FAF1: variants seen among roughly 807,000 people sequenced by gnomAD.
The protein encoded by FAF1 is FAS-associated factor 1.
Under a neutral mutation model 92.5 loss-of-function variants are expected in FAF1, and 25 were observed. The ratio of observed to expected loss-of-function variants is 0.27; its 90% CI spans 0.20 to 0.38. The LOEUF is 0.38. FAF1 is among the 10% of genes least tolerant of loss of function. The pLI is 1.00. For synonymous variants in FAF1, 234 were observed against 273.2 expected (o/e 0.86, Z 1.42); for missense variants, 636 against 793.3 (o/e 0.80, Z 2.38).
At chr1:50,847,961 A>T (rs1009716037) in intron 2 of FAF1, among the ~76,000 whole-genome samples, 11 of 152,108 alleles carry the variant, frequency 7.2e-5, no homozygotes, top group African/African-American at 2.2e-4. Context: ...GAAACATCTT[A>T]AAAAAGGCTG....
intron 12 of FAF1, among the ~76,000 whole-genome samples, chr1:50,572,006 A>T (rs1353559208): frequency 6.6e-6 from 1 of 152,276 alleles, no homozygotes; most frequent in East Asian, 1.9e-4. Flanking sequence ...CAGTGTTAAA[A>T]CTATAGTATA....
chr1:50,716,566 A>G (rs1658184341), intron 6 of FAF1, among the ~76,000 whole-genome samples: 1 of 152,184 alleles, frequency 6.6e-6, no homozygotes, highest in Admixed American at 6.5e-5. Flanking sequence ...AAATACACCA[A>G]TCAGCTCTCT....
At chr1:50,776,241 G>A (rs1660955603) in intron 4 of FAF1, among the ~76,000 whole-genome samples, 1 of 152,154 alleles carries the variant, frequency 6.6e-6, no homozygotes, top group Non-Finnish European at 1.5e-5. Context: ...GAACAGCCAA[G>A]CTGTCATTCG....
At chr1:50,931,888 AAAT>A (rs201964842) in intron 1 of FAF1, among the ~76,000 whole-genome samples, 4,078 of 129,368 alleles carry the variant, frequency 0.032, 129 homozygotes, top group African/African-American at 0.079. Flanking sequence ...ATAAATAAAT[AAAT>A]AATAATAATA....
At chr1:50,596,052 A>G (rs1018150519) in intron 9 of FAF1, 69 bp downstream of exon 9, 53 of 994,606 alleles carry the variant, frequency 5.3e-5, no homozygotes, top group Admixed American at 4.0e-4. Flanking sequence ...CAGATAAAAA[A>G]AAAGGGAAGT....
intron 18 of FAF1, 22 bp from the exon 19 acceptor site, chr1:50,441,545 A>G (rs1337793910): frequency 7.0e-7 from 1 of 1,421,298 alleles, no homozygotes; most frequent in East Asian, 2.5e-5. Context: ...AAGAACACAT[A>G]TTCAAAAGAC....
intron 18 of FAF1, among the ~76,000 whole-genome samples, chr1:50,475,159 T>C (rs1420476963): frequency 1.3e-5 from 2 of 152,240 alleles, no homozygotes; most frequent in African/African-American, 2.4e-5. Flanking sequence ...GCTACAGATA[T>C]ATCTCATTTG....
rs60014462 is a variant in FAF1 at position 50,771,007 on chromosome 1, C to T, written c.367+16993G>A. On this transcript the variant is annotated intron_variant, in intron 4 of 18. Coordinates refer to ENST00000396153, the MANE Select transcript of FAF1 (RefSeq NM_007051.3). ...GTTGACAAAAACAAATGGGGAAAGG[C>T]TCCCTATTCAATAAATGGTGTTGGG... Among the ~76,000 whole-genome samples, 1,503 of 152,254 alleles carry T rather than the reference C, an allele frequency of 9.9e-3. 23 individuals carry two copies. Among genetic ancestry groups the T allele is most frequent in the African/African-American group, 0.034 (1,426 of 41,534 alleles).
At chr1:50,800,409 T>A (rs1661942991) in intron 3 of FAF1, among the ~76,000 whole-genome samples, 1 of 152,036 alleles carries the variant, frequency 6.6e-6, no homozygotes, top group Non-Finnish European at 1.5e-5. Context: ...AAGAAAAAAA[T>A]AGCCATAAAG....
At chr1:50,758,508 A>G (rs1660176366) in intron 4 of FAF1, among the ~76,000 whole-genome samples, 1 of 152,238 alleles carries the variant, frequency 6.6e-6, no homozygotes, top group African/African-American at 2.4e-5. Context: ...ACATTGCTAT[A>G]ATTTCTACTT....
intron 2 of FAF1, among the ~76,000 whole-genome samples, chr1:50,829,253 G>T (rs1007146515): frequency 5.3e-5 from 8 of 152,144 alleles, no homozygotes; most frequent in African/African-American, 1.9e-4. Flanking sequence ...GGTGGGTAAG[G>T]GAGAGGCATT....
intron 8 of FAF1, among the ~76,000 whole-genome samples, chr1:50,636,133 T>G (rs1226039416): frequency 6.6e-6 from 1 of 152,186 alleles, no homozygotes; most frequent in Non-Finnish European, 1.5e-5. Context: ...ATACTCATCC[T>G]AAATCCACTA....
chr1:50,676,677 C>T (rs2124354341), intron 7 of FAF1, among the ~76,000 whole-genome samples: 1 of 151,924 alleles, frequency 6.6e-6, no homozygotes, highest in African/African-American at 2.4e-5. Context: ...CAAAAATTAG[C>T]TGGGCATGGT....
Position 50,746,280 on chromosome 1 carries a change from A to G in FAF1, c.368-1505T>C, listed in dbSNP as rs1569874497. Among the ~76,000 whole-genome samples the G allele has an allele frequency of 1.6e-4, 3 of 18,870 alleles. No individual in the cohort carries two copies. In the South Asian group the frequency reaches 8.4e-3, roughly 53 times the overall value. The allele number at this position is 18,870 out of a possible 152,430, so 12.4% of individuals were successfully genotyped here. ...TATATATATATATATATATATATAT[A>G]TATATATATATATTTTTTTTTTTTT... On this transcript the variant is annotated intron_variant, in intron 4 of 18. Transcript: ENST00000396153.
intron 6 of FAF1, among the ~76,000 whole-genome samples, chr1:50,724,276 T>TACACACAC (rs1281878722): frequency 3.5e-5 from 4 of 114,912 alleles, no homozygotes; most frequent in African/African-American, 1.4e-4. Context: ...TATATACATA[T>TACACACAC]ACACACACAC....
At chr1:50,554,070 C>T (rs1010983102) in intron 13 of FAF1, among the ~76,000 whole-genome samples, 2 of 151,200 alleles carry the variant, frequency 1.3e-5, no homozygotes, top group African/African-American at 2.4e-5. Context: ...GTGAATTTCA[C>T]GTTTATTTGT....
intron 8 of FAF1, among the ~76,000 whole-genome samples, chr1:50,607,927 G>C (rs964455730): frequency 3.3e-5 from 5 of 152,192 alleles, no homozygotes; most frequent in African/African-American, 4.8e-5. Context: ...AGCACAGAAG[G>C]GTTCTTGGCT....
At chr1:50,559,238 G>GAGAC (rs1649749168) in intron 13 of FAF1, among the ~76,000 whole-genome samples, 1 of 150,038 alleles carries the variant, frequency 6.7e-6, no homozygotes, top group Admixed American at 6.6e-5. Context: ...GCAACAGAGC[G>GAGAC]AGACTCCGTC....
chr1:50,653,838 C>T (rs1001214062), intron 8 of FAF1, among the ~76,000 whole-genome samples: 4 of 152,038 alleles, frequency 2.6e-5, no homozygotes, highest in Admixed American at 6.6e-5. Context: ...TCATTGTACT[C>T]CAGACTGGGC....
Sources: gnomAD v4.1 joint callset for allele counts (sites outside exome capture counted in the v4.1 genomes callset) on GRCh38, gnomAD v4.1.1 for gene constraint, MANE v1.5 for transcripts, NCBI Gene and HGNC (gene_info 2026-07-23, HGNC 2026-07-21) for gene names.